Variants in MELK observed in about 807,000 individuals in gnomAD.
MELK encodes maternal embryonic leucine zipper kinase.
A neutral mutation model predicts 85.0 loss-of-function variants in MELK; 81 were observed. That is an observed-to-expected ratio of 0.95 (90% CI 0.80 to 1.15). The LOEUF is 1.15. Ranked by LOEUF, MELK falls within the 50% of genes most tolerant of loss-of-function variation. MELK has a pLI of 0.00. For synonymous variants in MELK, 252 were observed against 265.0 expected (o/e 0.95, Z 0.48); for missense variants, 754 against 777.5 (o/e 0.97, Z 0.36).
chr9:36,594,615 A>G lies in MELK; in HGVS notation c.262-13A>G. ...AAGTTGTAACAATATCTGTGATTCC[A>G]TTGCTGTTGAAGTACTGCCCTGGAG... On this transcript the variant is annotated splice_polypyrimidine_tract_variant and intron_variant, in intron 4 of 17. Coordinates refer to ENST00000298048, the MANE Select transcript of MELK (RefSeq NM_014791.4). 1.2e-6 allele frequency: 2 copies of G among 1,607,292 alleles called. No homozygotes were observed. The highest frequency in any genetic ancestry group is 1.7e-6 in the Non-Finnish European group (2 of 1,177,906).
intron 6 of MELK, among the ~76,000 whole-genome samples, chr9:36,598,400 G>T (rs1169143158): frequency 6.6e-6 from 1 of 152,060 alleles, no homozygotes; most frequent in Admixed American, 6.5e-5. Context: ...TTCTTCCAAG[G>T]AGCACACTCC....
At chr9:36,615,679 G>A (rs1326006397) in intron 8 of MELK, among the ~76,000 whole-genome samples, 1 of 142,438 alleles carries the variant, frequency 7.0e-6, no homozygotes, top group African/African-American at 2.8e-5. Flanking sequence ...CCCAGACGGG[G>A]TCTCGGCCGG....
Position 36,630,326 on chromosome 9 carries a change from C to G in MELK, c.694C>G (p.Leu232Val). 2 of 1,611,718 alleles carry G rather than the reference C, an allele frequency of 1.2e-6. No homozygotes were observed. The highest frequency in any genetic ancestry group is 1.7e-6 in the Non-Finnish European group (2 of 1,178,604). ...MRGKYDVPKW[L>V]SPSSILLLQQ... is the part of the protein sequence containing the mutation. ...AGGAAAATATGATGTTCCCAAGTGG[C>G]TCTCTCCCAGTAGCATTCTGCTTCT... The change falls in exon 9 of 18, where the codon CTC becomes GTC. Residue 232 changes from leucine (L) to valine (V), a missense_variant. Physicochemically the swap from Leu to Val is conservative, Grantham distance 32. Coordinates refer to ENST00000298048, the MANE Select transcript of MELK (RefSeq NM_014791.4).
intron 13 of MELK, among the ~76,000 whole-genome samples, chr9:36,657,619 C>G (rs1831381583): frequency 6.6e-6 from 1 of 152,188 alleles, no homozygotes; most frequent in Non-Finnish European, 1.5e-5. Flanking sequence ...GAGACTGAGT[C>G]TTGCTCTGTT....
intron 10 of MELK, among the ~76,000 whole-genome samples, chr9:36,636,528 CAG>C (rs1829157234): frequency 6.6e-6 from 1 of 151,686 alleles, no homozygotes; most frequent in South Asian, 2.1e-4. Context: ...TAAAAAAAAA[CAG>C]TAATAATTTA....
At chr9:36,583,423 TA>T (rs1014517533) in intron 2 of MELK, among the ~76,000 whole-genome samples, 1 of 151,098 alleles carries the variant, frequency 6.6e-6, no homozygotes, top group African/African-American at 2.4e-5. Flanking sequence ...GTTTTTTTTT[TA>T]TTACAAAGTT....
intron 2 of MELK, among the ~76,000 whole-genome samples, chr9:36,582,940 G>C (rs1822403782): frequency 6.6e-6 from 1 of 151,718 alleles, no homozygotes; most frequent in African/African-American, 2.4e-5. Flanking sequence ...TCCAGCTTTT[G>C]GTTCAGTTTT....
At chr9:36,581,561 C>G in intron 1 of MELK, 83 bp from the exon 2 acceptor site, 1 of 730,930 alleles carries the variant, frequency 1.4e-6, no homozygotes, top group East Asian at 2.6e-5. Flanking sequence ...ATGCATAAGA[C>G]TTATTTAGAT....
intron 5 of MELK, among the ~76,000 whole-genome samples, chr9:36,596,590 GT>G (rs34969370): frequency 0.21 from 19,050 of 91,122 alleles, 1,582 homozygotes; most frequent in Middle Eastern, 0.32. Context: ...TGTTTTTTTT[GT>G]TTTTTTTTTT....
chr9:36,656,368 A>G (rs969498922), intron 12 of MELK, among the ~76,000 whole-genome samples: 5 of 152,258 alleles, frequency 3.3e-5, no homozygotes, highest in African/African-American at 4.8e-5. Context: ...GCTATATAAC[A>G]TAAGAATGTT....
rs1164530421 is a variant in MELK at position 36,597,204 on chromosome 9, A to G, written c.406-18A>G. On this transcript the variant is annotated intron_variant, in intron 5 of 17. Transcript: ENST00000298048. ...AGGAAGTCAGTATACAGTTATCAAAATATCTTTGTTTTCCCAGGAAAATTT... is the reference window on the plus strand; with the variant it reads ...AGGAAGTCAGTATACAGTTATCAAAGTATCTTTGTTTTCCCAGGAAAATTT... The G allele has an allele frequency of 6.9e-6, 11 of 1,600,558 alleles. No individual in the cohort carries two copies. The highest frequency in any genetic ancestry group is 1.3e-5 in the African/African-American group (1 of 74,616).
chr9:36,583,683 A>G lies in MELK; in HGVS notation c.115A>G (p.Ile39Val), dbSNP rs755001911. 2.5e-6 allele frequency: 4 copies of G among 1,612,794 alleles called. No individual in the cohort carries two copies. Among genetic ancestry groups the G allele is most frequent in the South Asian group, 2.2e-5 (2 of 90,950 alleles). The change falls in exon 3 of 18, where the codon ATA becomes GTA. Residue 39 changes from isoleucine to valine, a missense_variant. By Grantham distance (29) the Ile-to-Val change is conservative. Coordinates refer to ENST00000298048, the MANE Select transcript of MELK (RefSeq NM_014791.4). ...TATCCTTACTGGAGAGATGGTAGCT[A>G]TAAAAATCATGGATAAAAACACACT... ...CHILTGEMVA[I>V]KIMDKNTLGS...
At chr9:36,675,009 G>C (rs1441101711) in intron 17 of MELK, 72 bp downstream of exon 17, 1 of 1,125,634 alleles carries the variant, frequency 8.9e-7, no homozygotes, top group African/African-American at 1.5e-5. Flanking sequence ...GAGTTGGTTG[G>C]GCGCGGTGGC....
chr9:36,591,982 C>T (rs972562075), intron 4 of MELK, among the ~76,000 whole-genome samples: 1 of 151,926 alleles, frequency 6.6e-6, no homozygotes, highest in Non-Finnish European at 1.5e-5. Context: ...CTTTCCCCTA[C>T]ATCCCAGTCA....
At chr9:36,602,559 CTTT>C (rs112982020) in intron 7 of MELK, among the ~76,000 whole-genome samples, 3,294 of 119,550 alleles carry the variant, frequency 0.028, 152 homozygotes, top group African/African-American at 0.1. Context: ...GCTCTACAGA[CTTT>C]TTTTTTTTTT....
At chr9:36,657,860 G>T (rs919936303) in intron 13 of MELK, among the ~76,000 whole-genome samples, 19 of 152,212 alleles carry the variant, frequency 1.2e-4, no homozygotes, top group Admixed American at 2.0e-4. Flanking sequence ...TGGGATTACA[G>T]GCGTGAGCCA....
At chr9:36,656,850 T>A (rs1831302089) in intron 12 of MELK, among the ~76,000 whole-genome samples, 1 of 152,214 alleles carries the variant, frequency 6.6e-6, no homozygotes, top group Admixed American at 6.5e-5. Flanking sequence ...CGCCTGAGCT[T>A]AAGTGATCCA....
At chr9:36,595,612 T>G (rs1180445821) in intron 5 of MELK, among the ~76,000 whole-genome samples, 15 of 149,318 alleles carry the variant, frequency 1.0e-4, no homozygotes, top group Admixed American at 1.0e-3. Flanking sequence ...CTTGTTTTTT[T>G]TTTTTTTTTT....
chr9:36,609,637 G>A (rs953039208), intron 8 of MELK, among the ~76,000 whole-genome samples: 13 of 151,700 alleles, frequency 8.6e-5, no homozygotes, highest in African/African-American at 2.9e-4. Context: ...TTTTTGTAGA[G>A]ATAGGATCTT....
Sources: allele counts gnomAD v4.1 joint callset (sites outside exome capture counted in the v4.1 genomes callset), GRCh38; gene constraint gnomAD v4.1.1; transcripts MANE v1.5; gene names NCBI Gene and HGNC (gene_info 2026-07-23, HGNC 2026-07-21).